ARID1B: variants seen among roughly 807,000 people sequenced by gnomAD.
The protein encoded by ARID1B is AT-rich interactive domain-containing protein 1B.
ARID1B carries 30 observed loss-of-function variants against 212.3 expected under a neutral mutation model. That is an observed-to-expected ratio of 0.14 (90% confidence interval 0.11 to 0.19). The LOEUF (loss-of-function observed/expected upper bound fraction) is 0.19, where lower values mean the gene tolerates loss of function less well. ARID1B is among the 10% of genes least tolerant of loss of function. ARID1B has a pLI of 1.00. For missense variants in ARID1B, 2,891 were observed against 3,204.0 expected (o/e 0.90, Z 2.36); for synonymous variants, 1,402 against 1,301.7 (o/e 1.08, Z -1.66).
intron 4 of ARID1B, among the ~76,000 whole-genome samples, chr6:157,059,758 G>A (rs76712418): frequency 0.02 from 3,108 of 152,308 alleles, 119 homozygotes; most frequent in African/African-American, 0.071. Context: ...AACATTTTGT[G>A]AGGGAGAGAG....
intron 1 of ARID1B, among the ~76,000 whole-genome samples, chr6:156,827,057 C>T (rs577247284): frequency 3.3e-5 from 5 of 152,300 alleles, no homozygotes; most frequent in African/African-American, 1.2e-4. Context: ...CACTGTTCAA[C>T]TTATGCCCTG....
At position 156,844,533 on chromosome 6, in the gene ARID1B, A is replaced by G. The variant is rs375934421; in HGVS notation, c.1986+15112A>G. On this transcript the variant is annotated intron_variant, in intron 2 of 19. Coordinates refer to ENST00000636930, the MANE Select transcript of ARID1B (RefSeq NM_001374828.1). The stretch of plus-strand genomic sequence containing the variant: ...ATTAACATTTTGCTTTGCAGTCTAC[A>G]TTGCTGGTGACTTTTGCCTTTGGAA... 3.5e-4 allele frequency among the ~76,000 whole-genome samples: 53 copies of G among 152,354 alleles called. No homozygotes were observed. The South Asian group carries it at 9.7e-3, about 28-fold the overall frequency.
intron 5 of ARID1B, among the ~76,000 whole-genome samples, chr6:157,086,002 G>A (rs1469273202): frequency 2.0e-5 from 3 of 152,008 alleles, no homozygotes; most frequent in Non-Finnish European, 4.4e-5. Flanking sequence ...CATTCATAGA[G>A]TATATATTGT....
intron 5 of ARID1B, among the ~76,000 whole-genome samples, chr6:157,093,556 A>T (rs1468849047): frequency 1.3e-5 from 2 of 152,254 alleles, no homozygotes; most frequent in African/African-American, 2.4e-5. Flanking sequence ...TAATCCTAAA[A>T]TGCATTAATC....
chr6:157,039,882 TCTTCCTTCCTTCCTTC>T lies in ARID1B; in HGVS notation c.2248-44759_2248-44744del, dbSNP rs146558678. 1.9e-4 allele frequency among the ~76,000 whole-genome samples: 13 copies of T among 67,288 alleles called. 1 individual carries two copies. The highest frequency in any genetic ancestry group is 1.6e-3 in the East Asian group (4 of 2,450). 44.1% of individuals were successfully genotyped at this position (67,288 alleles called of 152,430 possible). On this transcript the variant is annotated intron_variant, in intron 4 of 19. Coordinates refer to ENST00000636930, the MANE Select transcript of ARID1B (RefSeq NM_001374828.1). ...TTTCTCTCTCTTTCTCTTTCTTTTCTCTTCCTTCCTTCCTTCCTTCCTTCCTTCCTTCCTTCTTTCT... is the reference window on the plus strand; with the variant it reads ...TTTCTCTCTCTTTCTCTTTCTTTTCTCTTCCTTCCTTCCTTCCTTCTTTCT...
intron 3 of ARID1B, among the ~76,000 whole-genome samples, chr6:156,908,176 C>CT (rs1305710112): frequency 6.6e-6 from 1 of 152,140 alleles, no homozygotes; most frequent in African/African-American, 2.4e-5. Context: ...GCTGGGATTA[C>CT]AGGCATGAAC....
rs867082251 is a variant in ARID1B, at chr6:156,829,436, C to G, written c.1986+15C>G. 9 of 1,605,828 alleles carry G rather than the reference C, an allele frequency of 5.6e-6. 1 individual carries two copies. Among genetic ancestry groups the G allele is most frequent in the Middle Eastern group, 3.4e-4 (2 of 5,858 alleles). ...CTCAGCAGCAGGTTTGTGCTGGTCC[C>G]CCGACCCGCTGCTTTTTTGTAATAG... On this transcript the variant is annotated intron_variant, in intron 2 of 19. Transcript: ENST00000636930.
intron 1 of ARID1B, among the ~76,000 whole-genome samples, chr6:156,791,859 T>C (rs760647303): frequency 1.3e-5 from 2 of 152,218 alleles, no homozygotes; most frequent in Non-Finnish European, 2.9e-5. Context: ...GACATTGTTA[T>C]TATGGGCATT....
intron 2 of ARID1B, among the ~76,000 whole-genome samples, chr6:156,890,097 G>C (rs879387434): frequency 1.3e-5 from 2 of 152,164 alleles, no homozygotes; most frequent in Non-Finnish European, 2.9e-5. Context: ...GGAAATAAAG[G>C]CTGTTCAGGA....
In ARID1B at chr6:156,974,070, A is replaced by G. The variant is rs3734439; in HGVS notation, c.2247+38494A>G. Among the ~76,000 whole-genome samples the G allele has an allele frequency of 8.7e-3, 1,319 of 152,348 alleles. 77 individuals are homozygous for G. In the East Asian group the frequency reaches 0.15, roughly 18 times the overall value. ...ATGCCCAGGATTTTAGGAGAGAGAA[A>G]GAGAGAGACTAGGGAAGAAATGAAG... On this transcript the variant is annotated intron_variant, in intron 4 of 19. Transcript: ENST00000636930.
chr6:156,942,495 G>C (rs1344753252), intron 4 of ARID1B: 2 of 152,288 alleles, frequency 1.3e-5, no homozygotes, highest in African/African-American at 4.8e-5. Flanking sequence ...GGGGGAGCCA[G>C]AGTGGGTCTC....
chr6:157,012,805 A>G (rs1304768728), intron 4 of ARID1B, among the ~76,000 whole-genome samples: 1 of 152,216 alleles, frequency 6.6e-6, no homozygotes, highest in African/African-American at 2.4e-5. Flanking sequence ...AAAGCAACAA[A>G]TGTGCGCAAA....
intron 1 of ARID1B, chr6:156,779,763 G>A (rs1779088698): frequency 6.4e-6 from 1 of 156,248 alleles, no homozygotes; most frequent in Admixed American, 6.5e-5. Flanking sequence ...GGAACGCGAA[G>A]CGAGATCCCG....
intron 4 of ARID1B, among the ~76,000 whole-genome samples, chr6:156,984,492 T>C (rs538408086): frequency 6.6e-6 from 1 of 152,232 alleles, no homozygotes; most frequent in African/African-American, 2.4e-5. Flanking sequence ...AGGAAGTTGA[T>C]AGTGAAATGT....
At position 157,094,007 on chromosome 6, in the gene ARID1B, AC is replaced by A. The variant is rs1785449705; in HGVS notation, c.2491+9103del. ...GGGAAAGACAGGAAATACATAAATA[AC>A]TACATACTTTATTGTCAGGTAGTCA... is the stretch of plus-strand genomic sequence containing the variant. On this transcript the variant is annotated intron_variant, in intron 5 of 19. Coordinates refer to ENST00000636930, the MANE Select transcript of ARID1B (RefSeq NM_001374828.1). The surrounding 1 kb of genome is among the most constrained non-coding windows in gnomAD (Gnocchi z 4.3). Among the ~76,000 whole-genome samples, 1 of 152,220 alleles carries A rather than the reference AC, an allele frequency of 6.6e-6. No homozygotes were observed. Among genetic ancestry groups the A allele is most frequent in the Non-Finnish European group, 1.5e-5 (1 of 68,046 alleles).
chr6:156,948,957 T>C (rs947062385), intron 4 of ARID1B, among the ~76,000 whole-genome samples: 38 of 152,260 alleles, frequency 2.5e-4, no homozygotes, highest in Non-Finnish European at 4.4e-5. Flanking sequence ...TGTGGAAGTC[T>C]TGACTATTTG....
chr6:157,023,303 G>C (rs1780445956), intron 4 of ARID1B: 2 of 152,224 alleles, frequency 1.3e-5, no homozygotes, highest in Non-Finnish European at 2.9e-5. Flanking sequence ...GCTCTTTTTA[G>C]ATTTTGAGCT....
chr6:157,188,290 G>A (rs1793120771), intron 13 of ARID1B, among the ~76,000 whole-genome samples: 1 of 152,160 alleles, frequency 6.6e-6, no homozygotes, highest in South Asian at 2.1e-4. Flanking sequence ...ATTCAGTGCA[G>A]GGCTCACAGG....
chr6:157,047,974 G>C (rs1782350917), intron 4 of ARID1B, among the ~76,000 whole-genome samples: 1 of 152,138 alleles, frequency 6.6e-6, no homozygotes, highest in Non-Finnish European at 1.5e-5. Flanking sequence ...ATTTTGTTGG[G>C]AAGAAGCAAA....
Sources: gnomAD v4.1 joint callset for allele counts (sites outside exome capture counted in the v4.1 genomes callset) on GRCh38, gnomAD v4.1.1 for gene constraint, Gnocchi (gnomAD v3.1) non-coding constraint, MANE v1.5 for transcripts, NCBI Gene and HGNC (gene_info 2026-07-23, HGNC 2026-07-21) for gene names.